Variants in FAM228B observed in about 807,000 individuals in gnomAD.
FAM228B encodes the protein protein FAM228B.
A neutral mutation model predicts 42.6 loss-of-function variants in FAM228B; 38 were observed. The ratio of observed to expected loss-of-function variants is 0.89; its 90% confidence interval spans 0.69 to 1.17. The LOEUF is 1.17. FAM228B is among the 50% of genes most tolerant of loss of function. The probability of loss-of-function intolerance (pLI) is 0.00; values close to 1 mark genes in which losing one functional copy is unlikely to be tolerated. For synonymous variants in FAM228B, 109 were observed against 122.3 expected (o/e 0.89, Z 0.72); for missense variants, 344 against 367.3 (o/e 0.94, Z 0.52).
At chr2:24,149,476 CAG>C (rs1244592449) in intron 7 of FAM228B, among the ~76,000 whole-genome samples, 1 of 151,942 alleles carries the variant, frequency 6.6e-6, no homozygotes, top group Non-Finnish European at 1.5e-5. Context: ...TTTTTTGAGA[CAG>C]AGTCTTGCTT....
At chr2:24,148,916 G>A (rs1269529353) in intron 7 of FAM228B, among the ~76,000 whole-genome samples, 3 of 152,068 alleles carry the variant, frequency 2.0e-5, no homozygotes, top group Admixed American at 2.0e-4. Context: ...CTTCCGCTCT[G>A]CATCTCCATG....
chr2:24,136,618 C>G (rs1666598209), intron 3 of FAM228B, among the ~76,000 whole-genome samples: 1 of 152,184 alleles, frequency 6.6e-6, no homozygotes, highest in Non-Finnish European at 1.5e-5. Flanking sequence ...CTGCCTTGGC[C>G]TCCTGAAATG....
intron 2 of FAM228B, among the ~76,000 whole-genome samples, chr2:24,132,248 A>G (rs1666470736): frequency 6.6e-6 from 1 of 152,034 alleles, no homozygotes; most frequent in South Asian, 2.1e-4. Context: ...TTTATTGACA[A>G]TTTTCGCATT....
At position 24,084,385 on chromosome 2, in the gene FAM228B, ACAGGACAGGGCAGGG is replaced by A. The variant is rs1553325154; in HGVS notation, c.-210+3440_-210+3454del. On this transcript the variant is annotated intron_variant, in intron 2 of 10. Transcript: ENST00000613899. This position sits in a 1 kb window ranked among gnomAD's most constrained non-coding sequence, Gnocchi z 8.4. ...ACAGGACAGGGCAGGGCAGGGCAGG[ACAGGACAGGGCAGGG>A]CAGGACAGGACAGGGCAGGGGCCGC... is the stretch of plus-strand genomic sequence containing the variant. The A allele has an allele frequency of 4.5e-6, 6 of 1,330,354 alleles. No individual in the cohort carries two copies. In the East Asian group the frequency reaches 7.0e-5, roughly 15 times the overall value. 82.4% of individuals were successfully genotyped at this position (1,330,354 alleles called of 1,614,324 possible). A position where few individuals can be genotyped will look rare whatever the true frequency, so the allele number is the denominator to read the frequency against.
intron 7 of FAM228B, among the ~76,000 whole-genome samples, chr2:24,155,523 ATATATATATTTTTTTT>A (rs1558393279): frequency 3.9e-5 from 1 of 25,892 alleles, no homozygotes; most frequent in African/African-American, 1.3e-4. Flanking sequence ...ATATATATAT[ATATATATATTTTTTTT>A]TTTTTTTTTT....
chr2:24,105,752 C>T (rs749914261), intron 3 of FAM228B, among the ~76,000 whole-genome samples: 6 of 152,130 alleles, frequency 3.9e-5, no homozygotes, highest in Non-Finnish European at 7.4e-5. Flanking sequence ...ATGAAATAGC[C>T]TCTATAAAAA....
At chr2:24,165,358 A>T (rs1370968774) in intron 9 of FAM228B, 1 of 471,034 alleles carries the variant, frequency 2.1e-6, no homozygotes, top group Non-Finnish European at 4.4e-6. Flanking sequence ...ATATAAAAGG[A>T]CAATGCCTTT....
At chr2:24,166,054 A>AAAAAAATAT (rs56146407) in intron 9 of FAM228B, 1 of 81,030 alleles carries the variant, frequency 1.2e-5, no homozygotes, top group African/African-American at 4.0e-5. Context: ...AAAAAAAAAA[A>AAAAAAATAT]ATATATATAT....
At chr2:24,142,215 C>G (rs1419641791) in intron 5 of FAM228B, among the ~76,000 whole-genome samples, 1 of 152,144 alleles carries the variant, frequency 6.6e-6, no homozygotes, top group Non-Finnish European at 1.5e-5. Flanking sequence ...TATCTCCTTT[C>G]CCCCTTTCAA....
intron 7 of FAM228B, among the ~76,000 whole-genome samples, chr2:24,154,381 G>T (rs1667087079): frequency 6.6e-6 from 1 of 152,170 alleles, no homozygotes; most frequent in African/African-American, 2.4e-5. Flanking sequence ...GGTGTCTGTT[G>T]TTCAGATCAT....
At chr2:24,086,477 T>G (rs1665256124) in intron 2 of FAM228B, among the ~76,000 whole-genome samples, 1 of 152,014 alleles carries the variant, frequency 6.6e-6, no homozygotes, top group South Asian at 2.1e-4. Context: ...AATGGCTTCC[T>G]TCTCTCCCTC....
In FAM228B at chr2:24,138,110, G is replaced by A. The variant is rs570261594; in HGVS notation, c.360+10G>A. 7 of 1,509,772 alleles carry A rather than the reference G, an allele frequency of 4.6e-6. No homozygotes were observed. Among genetic ancestry groups the A allele is most frequent in the Middle Eastern group, 2.2e-4 (1 of 4,500 alleles). 93.5% of individuals were successfully genotyped at this position (1,509,772 alleles called of 1,614,324 possible). On this transcript the variant is annotated intron_variant, in intron 4 of 10. Transcript: ENST00000615575. ...ACATGTAAATAAAAAGGTACTAAGA[G>A]ATCATTTGATGCTTTTTTCAGTTGA...
At chr2:24,112,380 A>T (rs1476749353) in intron 3 of FAM228B, among the ~76,000 whole-genome samples, 1 of 148,446 alleles carries the variant, frequency 6.7e-6, no homozygotes, top group Non-Finnish European at 1.5e-5. Flanking sequence ...GGCTCACTGC[A>T]ACCTCCGCCT....
intron 7 of FAM228B, among the ~76,000 whole-genome samples, chr2:24,152,580 G>GT (rs1667049372): frequency 6.6e-6 from 1 of 152,186 alleles, no homozygotes; most frequent in African/African-American, 2.4e-5. Flanking sequence ...GAGTTATCTG[G>GT]TTACTAGGCA....
At chr2:24,093,574 G>A (rs996295643) in intron 2 of FAM228B, among the ~76,000 whole-genome samples, 6 of 151,406 alleles carry the variant, frequency 4.0e-5, no homozygotes, top group Non-Finnish European at 7.4e-5. Context: ...GGGTTGGTTC[G>A]GTGTCTTTGC....
chr2:24,164,055 CA>C (rs35664527), intron 8 of FAM228B, 142 bp from the exon 9 acceptor site: 88 of 731,824 alleles, frequency 1.2e-4, no homozygotes, highest in African/African-American at 1.0e-3. Flanking sequence ...TATTTTCACA[CA>C]AAAAAAGTAA....
intron 7 of FAM228B, among the ~76,000 whole-genome samples, chr2:24,157,034 C>G (rs1276122867): frequency 6.6e-6 from 1 of 152,068 alleles, no homozygotes; most frequent in African/African-American, 2.4e-5. Context: ...CACTATTATC[C>G]TTCAGTTCAA....
intron 2 of FAM228B, chr2:24,082,992 G>A (rs1258857598): frequency 8.7e-6 from 14 of 1,614,090 alleles, no homozygotes; most frequent in Admixed American, 8.3e-5. Flanking sequence ...TTCGGGGACA[G>A]TGACGTACTG....
chr2:24,127,446 G>A (rs190810138), intron 2 of FAM228B, among the ~76,000 whole-genome samples: 2 of 152,074 alleles, frequency 1.3e-5, no homozygotes, highest in East Asian at 3.9e-4. Flanking sequence ...AGTTCTCTTG[G>A]GTATGTAACC....
Sources: allele counts gnomAD v4.1 joint callset (sites outside exome capture counted in the v4.1 genomes callset), GRCh38; gene constraint gnomAD v4.1.1; non-coding constraint Gnocchi (gnomAD v3.1); transcripts MANE v1.5; gene names NCBI Gene and HGNC (gene_info 2026-07-23, HGNC 2026-07-21).